The following SNX18 variants were observed in gnomAD, a reference collection of about 807,000 sequenced individuals.
The protein encoded by SNX18 is sorting nexin-18.
In SNX18, 35 loss-of-function variants were observed where a neutral mutation model predicts 48.7. The ratio of observed to expected loss-of-function variants is 0.72; its 90% CI spans 0.55 to 0.95. The LOEUF is 0.95. Ranked by LOEUF, SNX18 falls within the 40% of genes least tolerant of loss-of-function variation. The probability of loss-of-function intolerance (pLI) is 0.00; values close to 1 mark genes in which losing one functional copy is unlikely to be tolerated. For synonymous variants in SNX18, 492 were observed against 384.7 expected, an observed-to-expected ratio of 1.28 and a Z score of -3.26; for missense variants, 824 against 871.0, an observed-to-expected ratio of 0.95 and a Z score of 0.68.
chr5:54,601,451 G>A, the SNX18 span, among the ~76,000 whole-genome samples: 3 of 152,168 alleles, frequency 2.0e-5, no homozygotes, highest in Non-Finnish European at 4.4e-5. Context: ...GAGAGCATGA[G>A]GAGAGTCTTT....
intron 1 of SNX18, among the ~76,000 whole-genome samples, chr5:54,531,981 C>T (rs548759543): frequency 2.8e-4 from 42 of 152,266 alleles, no homozygotes; most frequent in African/African-American, 1.0e-3. Flanking sequence ...CAGCATGAAC[C>T]ACAGTGCACT....
At chr5:54,642,625 A>G in the SNX18 span, among the ~76,000 whole-genome samples, 4 of 152,226 alleles carry the variant, frequency 2.6e-5, no homozygotes, top group Non-Finnish European at 4.4e-5. Flanking sequence ...GCAGGTCCAT[A>G]TCCATGGGAA....
chr5:54,599,937 A>G, the SNX18 span, among the ~76,000 whole-genome samples: 1 of 152,242 alleles, frequency 6.6e-6, no homozygotes, highest in Non-Finnish European at 1.5e-5. Context: ...CAAAGATTTC[A>G]TGATAAAATC....
the SNX18 span, among the ~76,000 whole-genome samples, chr5:54,575,695 A>G: frequency 6.6e-6 from 1 of 152,020 alleles, no homozygotes; most frequent in East Asian, 1.9e-4. Flanking sequence ...AAAGCAGGAC[A>G]TACAATTTTC....
chr5:54,555,759 G>A, the SNX18 span, among the ~76,000 whole-genome samples: 18 of 151,584 alleles, frequency 1.2e-4, no homozygotes, highest in African/African-American at 4.1e-4. Flanking sequence ...CCCAGAAGGC[G>A]GAGGTTGCAG....
At chr5:54,604,027 T>C in the SNX18 span, among the ~76,000 whole-genome samples, 1 of 152,194 alleles carries the variant, frequency 6.6e-6, no homozygotes, top group Non-Finnish European at 1.5e-5. Flanking sequence ...GAGTGTCCAT[T>C]ATGTGCCAAA....
the SNX18 span, among the ~76,000 whole-genome samples, chr5:54,580,444 T>G: frequency 6.6e-6 from 1 of 152,242 alleles, no homozygotes; most frequent in Non-Finnish European, 1.5e-5. Context: ...TGGTTCACTT[T>G]TATTATTTTA....
the SNX18 span, among the ~76,000 whole-genome samples, chr5:54,639,863 G>A: frequency 0.58 from 88,397 of 151,948 alleles, 26,027 homozygotes; most frequent in African/African-American, 0.66. Flanking sequence ...AGGGCATTAT[G>A]TATCAGCAAA....
chr5:54,552,397 G>A, the SNX18 span, among the ~76,000 whole-genome samples: 1 of 152,200 alleles, frequency 6.6e-6, no homozygotes, highest in Non-Finnish European at 1.5e-5. Context: ...GGATTCTGAA[G>A]CCCTTAATAA....
chr5:54,524,822 G>C (rs533052035), intron 1 of SNX18, among the ~76,000 whole-genome samples: 143 of 152,342 alleles, frequency 9.4e-4, no homozygotes, highest in Non-Finnish European at 1.6e-3. Context: ...TAGGCCTCTG[G>C]TCTTAAGTGA....
At chr5:54,646,329 C>G in the SNX18 span, among the ~76,000 whole-genome samples, 5 of 152,302 alleles carry the variant, frequency 3.3e-5, no homozygotes, top group Middle Eastern at 3.4e-3. Flanking sequence ...ATTTCCTCTT[C>G]TTTGAAACAG....
At chr5:54,562,060 A>C in the SNX18 span, among the ~76,000 whole-genome samples, 1 of 152,252 alleles carries the variant, frequency 6.6e-6, no homozygotes, top group Non-Finnish European at 1.5e-5. Context: ...AAGTATTCTA[A>C]TAACATTCAC....
the SNX18 span, among the ~76,000 whole-genome samples, chr5:54,616,296 G>C: frequency 6.6e-6 from 1 of 152,076 alleles, no homozygotes; most frequent in Non-Finnish European, 1.5e-5. Flanking sequence ...ATCTGGCTCG[G>C]GTCAGTTTTC....
the SNX18 span, among the ~76,000 whole-genome samples, chr5:54,622,147 A>G: frequency 6.6e-6 from 1 of 152,256 alleles, no homozygotes; most frequent in African/African-American, 2.4e-5. Flanking sequence ...CTATTTACAT[A>G]GTAGGAGGAA....
the SNX18 span, among the ~76,000 whole-genome samples, chr5:54,638,281 C>T: frequency 6.6e-6 from 1 of 152,160 alleles, no homozygotes; most frequent in Admixed American, 6.5e-5. Flanking sequence ...TTCCCCCCAA[C>T]CCCAGTCCAC....
chr5:54,559,106 C>T, the SNX18 span, among the ~76,000 whole-genome samples: 1 of 152,128 alleles, frequency 6.6e-6, no homozygotes, highest in Non-Finnish European at 1.5e-5. Flanking sequence ...ATTCCATGCT[C>T]ATGGATAGGA....
At chr5:54,594,608 G>C in the SNX18 span, among the ~76,000 whole-genome samples, 1 of 152,174 alleles carries the variant, frequency 6.6e-6, no homozygotes, top group Non-Finnish European at 1.5e-5. Context: ...GTTAGGCAAA[G>C]GTGCCTATGT....
At chr5:54,615,655 C>T in the SNX18 span, among the ~76,000 whole-genome samples, 3 of 152,152 alleles carry the variant, frequency 2.0e-5, no homozygotes, top group Non-Finnish European at 4.4e-5. Context: ...GGTATGCCAC[C>T]TAGTTTGGGC....
Position 54,518,875 on chromosome 5 carries a change from C to T in SNX18, c.923C>T (p.Pro308Leu), listed in dbSNP as rs141392594. 1.1e-5 allele frequency: 17 copies of T among 1,613,542 alleles called. No homozygotes were observed. The highest frequency in any genetic ancestry group is 1.3e-5 in the African/African-American group (1 of 74,934). ...YKLVPTHTQV[P>L]VHRRYKHFDW... is the part of the protein sequence containing the mutation. Reference sequence around the variant, plus strand: ...CTGGTGCCCACGCACACGCAGGTGCCGGTGCATCGGCGCTACAAGCACTTC... The same window carrying T: ...CTGGTGCCCACGCACACGCAGGTGCTGGTGCATCGGCGCTACAAGCACTTC... Residue 308 changes from proline to leucine, a missense_variant, in exon 1 of 2, where the codon CCG (proline) becomes CTG (leucine). Transcript: ENST00000381410.
Sources: allele counts gnomAD v4.1 joint callset (sites outside exome capture counted in the v4.1 genomes callset), GRCh38; gene constraint gnomAD v4.1.1; transcripts MANE v1.5; gene names NCBI Gene and HGNC (gene_info 2026-07-23, HGNC 2026-07-21).